Variants in CAMTA1 observed in about 807,000 individuals in gnomAD.
The protein encoded by CAMTA1 is calmodulin-binding transcription activator 1.
In CAMTA1, 27 loss-of-function variants were observed where a neutral mutation model predicts 170.9. That is an observed-to-expected ratio of 0.16 (90% CI 0.12 to 0.22). The LOEUF is 0.22. Among genes scored for constraint, CAMTA1 ranks in the 10% least tolerant of loss-of-function variants. The probability of loss-of-function intolerance (pLI) is 1.00; values close to 1 mark genes in which losing one functional copy is unlikely to be tolerated. For missense variants in CAMTA1, 1,619 were observed against 2,217.2 expected (o/e 0.73, Z 5.42); for synonymous variants, 833 against 891.5 (o/e 0.93, Z 1.17).
chr1:7,374,782 G>T (rs1189739340), intron 5 of CAMTA1, among the ~76,000 whole-genome samples: 1 of 152,188 alleles, frequency 6.6e-6, no homozygotes, highest in Non-Finnish European at 1.5e-5. Context: ...CAGCCTCTAG[G>T]CCACTCACTA....
At position 6,850,011 on chromosome 1, in the gene CAMTA1, G is replaced by A. The variant is rs571436118; in HGVS notation, c.234+24801G>A. On this transcript the variant is annotated intron_variant, in intron 3 of 22. Coordinates refer to ENST00000303635, the MANE Select transcript of CAMTA1 (RefSeq NM_015215.4). The stretch of plus-strand genomic sequence containing the variant: ...GATCATGCAACTGCAATCCAACCTG[G>A]GCGACAGAGCAAGACTTTGTCTCAG... Among the ~76,000 whole-genome samples, 304 of 149,922 alleles carry A rather than the reference G, an allele frequency of 2.0e-3. 1 individual carries two copies. The highest frequency in any genetic ancestry group is 7.3e-3 in the African/African-American group (298 of 40,730).
rs1196012293 is a variant in CAMTA1 at position 7,585,772 on chromosome 1, C to T, written c.511-54628C>T. 6.6e-6 allele frequency among the ~76,000 whole-genome samples: 1 copy of T among 151,978 alleles called. No homozygotes were observed. Among genetic ancestry groups the T allele is most frequent in the South Asian group, 2.1e-4 (1 of 4,818 alleles). On this transcript the variant is annotated intron_variant, in intron 6 of 22. Coordinates refer to ENST00000303635, the MANE Select transcript of CAMTA1 (RefSeq NM_015215.4). The surrounding 1 kb of genome is among the most constrained non-coding windows in gnomAD (Gnocchi z 4.8). ...GGGGGCTCTCTTGTGGACAGACAGG[C>T]CAGAGACACGGCTCATCTGTCCCTC...
In CAMTA1 at chr1:7,737,290, C is replaced by T. The variant is rs41278950; in HGVS notation, c.3378C>T (p.Ala1126=). ...WACALGHLEA[A]VVLYKWDRRA... is the part of the protein sequence containing the mutation. ...GTGCCCTAGGGCACTTGGAAGCTGC[C>T]GTCGTGCTGTACAAGTGGGACCGTC... Residue 1126 remains alanine, a synonymous_variant, in exon 15 of 23, where the codon GCC becomes GCT. Transcript: ENST00000303635. 10,322 of 1,614,058 alleles carry T rather than the reference C, an allele frequency of 6.4e-3. 93 individuals carry two copies. Among genetic ancestry groups the T allele is most frequent in the African/African-American group, 0.037 (2,806 of 75,024 alleles).
intron 5 of CAMTA1, among the ~76,000 whole-genome samples, chr1:7,334,341 A>G (rs1172084389): frequency 6.6e-6 from 1 of 152,060 alleles, no homozygotes; most frequent in Admixed American, 6.5e-5. Flanking sequence ...CCTTGGCAAC[A>G]TTTTCGGGAC....
Position 6,893,045 on chromosome 1 carries a change from G to T in CAMTA1, c.234+67835G>T, listed in dbSNP as rs544089979. On this transcript the variant is annotated intron_variant, in intron 3 of 22. Coordinates refer to ENST00000303635, the MANE Select transcript of CAMTA1 (RefSeq NM_015215.4). ...CCTGTAATCCCAGCACTTTTGGGAG[G>T]CCGAGGCGGGCGGATCACGAGGTCA... Among the ~76,000 whole-genome samples the T allele has an allele frequency of 4.6e-5, 7 of 152,134 alleles. No individual in the cohort carries two copies. In the South Asian group the frequency reaches 1.5e-3, roughly 32 times the overall value.
chr1:6,996,273 C>T lies in CAMTA1; in HGVS notation c.235-95031C>T, dbSNP rs1284693180. ...TTGTAATTTGGGACTGGATTCTGGACCTTGTGAATGATACGTTGCAGAGAC... is the reference window on the plus strand; with the variant it reads ...TTGTAATTTGGGACTGGATTCTGGATCTTGTGAATGATACGTTGCAGAGAC... On this transcript the variant is annotated intron_variant, in intron 3 of 22. Coordinates refer to ENST00000303635, the MANE Select transcript of CAMTA1 (RefSeq NM_015215.4). 3.9e-5 allele frequency among the ~76,000 whole-genome samples: 6 copies of T among 152,160 alleles called. No homozygotes were observed. In the East Asian group the frequency reaches 1.2e-3, roughly 29 times the overall value.
intron 3 of CAMTA1, among the ~76,000 whole-genome samples, chr1:6,997,968 T>G (rs1697578612): frequency 6.6e-6 from 1 of 151,976 alleles, no homozygotes; most frequent in Non-Finnish European, 1.5e-5. Flanking sequence ...CTCCTTTCAT[T>G]TATTACAAAT....
chr1:6,907,589 C>G (rs943752615), intron 3 of CAMTA1, among the ~76,000 whole-genome samples: 1 of 152,192 alleles, frequency 6.6e-6, no homozygotes, highest in African/African-American at 2.4e-5. Context: ...CATGGGACTC[C>G]TGCTGAATGG....
chr1:6,906,395 A>G (rs1328026862), intron 3 of CAMTA1, among the ~76,000 whole-genome samples: 1 of 152,158 alleles, frequency 6.6e-6, no homozygotes, highest in African/African-American at 2.4e-5. Flanking sequence ...TTCCTTCCTC[A>G]CTGTGGCAGG....
chr1:7,533,046 A>G (rs2094508763), intron 6 of CAMTA1, among the ~76,000 whole-genome samples: 1 of 152,204 alleles, frequency 6.6e-6, no homozygotes, highest in African/African-American at 2.4e-5. Flanking sequence ...ACCTACTGAG[A>G]GAAACAAGAG....
intron 3 of CAMTA1, among the ~76,000 whole-genome samples, chr1:6,905,300 T>G (rs1419785217): frequency 6.6e-6 from 1 of 150,710 alleles, no homozygotes; most frequent in Non-Finnish European, 1.5e-5. Context: ...TTCGAGCAAT[T>G]CTCCTGCCTC....
chr1:7,179,824 G>A (rs1039220575), intron 4 of CAMTA1, among the ~76,000 whole-genome samples: 2 of 152,042 alleles, frequency 1.3e-5, no homozygotes, highest in African/African-American at 2.4e-5. Flanking sequence ...TACCCCAAAA[G>A]CTAGGTAAAG....
intron 4 of CAMTA1, among the ~76,000 whole-genome samples, chr1:7,110,535 C>G (rs1358089186): frequency 2.0e-5 from 3 of 152,220 alleles, no homozygotes; most frequent in Admixed American, 6.5e-5. Context: ...ATGAATTATT[C>G]AGCCCTGCTA....
chr1:7,577,966 A>G (rs571515095), intron 6 of CAMTA1, among the ~76,000 whole-genome samples: 1 of 152,362 alleles, frequency 6.6e-6, no homozygotes, highest in African/African-American at 2.4e-5. Flanking sequence ...CCACAAAAAC[A>G]GGATTCTGCC....
intron 11 of CAMTA1, among the ~76,000 whole-genome samples, chr1:7,701,386 G>A (rs17461352): frequency 0.046 from 7,025 of 152,172 alleles, 184 homozygotes; most frequent in Non-Finnish European, 0.059. Flanking sequence ...AGCAGGGTTA[G>A]GGCTGATATA....
chr1:7,610,722 C>T (rs1219849906), intron 6 of CAMTA1, among the ~76,000 whole-genome samples: 1 of 152,218 alleles, frequency 6.6e-6, no homozygotes, highest in Non-Finnish European at 1.5e-5. Context: ...GATGCAGCCC[C>T]AGCTGGGAAG....
intron 5 of CAMTA1, among the ~76,000 whole-genome samples, chr1:7,361,983 A>G (rs573326145): frequency 6.6e-6 from 1 of 152,344 alleles, no homozygotes; most frequent in South Asian, 2.1e-4. Context: ...TATTTCTTGA[A>G]TGCATAGGCC....
At chr1:6,917,845 C>CG (rs200173716) in intron 3 of CAMTA1, among the ~76,000 whole-genome samples, 1 of 54,348 alleles carries the variant, frequency 1.8e-5, no homozygotes, top group Admixed American at 3.0e-4. Context: ...CAAAACCCAT[C>CG]GGGGGCGGGG....
In CAMTA1 at chr1:7,434,865, A is replaced by G. The variant is rs2092296319; in HGVS notation, c.439-32965A>G. ...AGACCAACCTGGGCAACATGGCAAA[A>G]TCCTGTCTCTACAAAAAAAAAAAAA... On this transcript the variant is annotated intron_variant, in intron 5 of 22. Transcript: ENST00000303635. Among the ~76,000 whole-genome samples the G allele has an allele frequency of 2.0e-5, 3 of 147,484 alleles. No homozygotes were observed. In the South Asian group the frequency reaches 6.4e-4, roughly 32 times the overall value.
Sources: gnomAD v4.1 joint callset for allele counts (sites outside exome capture counted in the v4.1 genomes callset) on GRCh38, gnomAD v4.1.1 for gene constraint, Gnocchi (gnomAD v3.1) non-coding constraint, MANE v1.5 for transcripts, NCBI Gene and HGNC (gene_info 2026-07-23, HGNC 2026-07-21) for gene names.